Variants in SPINK5 observed in about 807,000 individuals in gnomAD.
The protein encoded by SPINK5 is serine protease inhibitor Kazal-type 5.
Under a neutral mutation model 151.8 loss-of-function variants are expected in SPINK5, and 125 were observed. That is an observed-to-expected ratio of 0.82 (90% CI 0.71 to 0.96). The LOEUF is 0.96. SPINK5 is among the 40% of genes least tolerant of loss of function. The pLI, the probability that SPINK5 is intolerant of heterozygous loss-of-function variation, is 0.00. For missense variants in SPINK5, 1,194 were observed against 1,291.9 expected, an observed-to-expected ratio of 0.92 and a Z score of 1.16; for synonymous variants, 374 against 395.3, an observed-to-expected ratio of 0.95 and a Z score of 0.64.
At position 148,099,108 on chromosome 5, in the gene SPINK5, T is replaced by C. The variant is rs576474534; in HGVS notation, c.1011-126T>C. ...GATATTTTGTTGCTTCTCATTGATATGCAGTGATAAAGGGACAAAATTGTT... is the reference window on the plus strand; with the variant it reads ...GATATTTTGTTGCTTCTCATTGATACGCAGTGATAAAGGGACAAAATTGTT... On this transcript the variant is annotated intron_variant, in intron 11 of 32. Transcript: ENST00000256084. 2.1e-3 allele frequency: 1,565 copies of C among 757,948 alleles called. 5 individuals carry two copies. Among genetic ancestry groups the C allele is most frequent in the Non-Finnish European group, 2.6e-3 (1,162 of 441,746 alleles). 47.0% of individuals were successfully genotyped at this position (757,948 alleles called of 1,614,324 possible). A position where few individuals can be genotyped will look rare whatever the true frequency, so the allele number is the denominator to read the frequency against.
intron 19 of SPINK5, 150 bp downstream of exon 19, chr5:148,112,045 T>C: frequency 8.6e-7 from 1 of 1,165,932 alleles, no homozygotes; most frequent in Non-Finnish European, 1.2e-6. Flanking sequence ...TATAAAGCCA[T>C]ATATTCAGCC....
chr5:148,067,815 A>G (rs1752623984), intron 2 of SPINK5, among the ~76,000 whole-genome samples: 1 of 152,074 alleles, frequency 6.6e-6, no homozygotes. Flanking sequence ...AGGTCTCATT[A>G]TATTTCCCAG....
At chr5:148,087,087 TTCA>T (rs1285497019) in intron 5 of SPINK5, among the ~76,000 whole-genome samples, 1 of 151,564 alleles carries the variant, frequency 6.6e-6, no homozygotes, top group African/African-American at 2.4e-5. Context: ...AGAGAATTAT[TTCA>T]TCATCAAATT....
At chr5:148,110,166 G>A (rs772451647) in intron 18 of SPINK5, among the ~76,000 whole-genome samples, 3 of 152,048 alleles carry the variant, frequency 2.0e-5, no homozygotes, top group Non-Finnish European at 2.9e-5. Flanking sequence ...TTATTATTAC[G>A]TATATTATTT....
intron 20 of SPINK5, among the ~76,000 whole-genome samples, 178 bp downstream of exon 20, chr5:148,113,112 CA>C (rs1240717430): frequency 2.0e-5 from 3 of 151,994 alleles, no homozygotes; most frequent in African/African-American, 7.2e-5. Context: ...TTTTTGTGGC[CA>C]TAGAATCTCT....
intron 32 of SPINK5, among the ~76,000 whole-genome samples, chr5:148,135,828 G>A (rs375935780): frequency 1.3e-5 from 2 of 152,228 alleles, no homozygotes; most frequent in South Asian, 4.2e-4. Flanking sequence ...AAGTTTCTTG[G>A]AAAAGTAGGT....
At chr5:148,104,180 C>T (rs957462545) in intron 15 of SPINK5, among the ~76,000 whole-genome samples, 1 of 152,066 alleles carries the variant, frequency 6.6e-6, no homozygotes, top group Non-Finnish European at 1.5e-5. Flanking sequence ...AAGAAAGGTA[C>T]TTTTATTACC....
At chr5:148,066,981 T>C (rs1265772526) in intron 2 of SPINK5, among the ~76,000 whole-genome samples, 1 of 152,232 alleles carries the variant, frequency 6.6e-6, no homozygotes, top group East Asian at 1.9e-4. Flanking sequence ...TGTAGTCTTT[T>C]TTACGATGCT....
At chr5:148,105,539 G>A (rs1753758456) in intron 16 of SPINK5, among the ~76,000 whole-genome samples, 1 of 152,056 alleles carries the variant, frequency 6.6e-6, no homozygotes. Context: ...TTTATACATA[G>A]CAGAGTCAAA....
chr5:148,077,062 C>A, intron 4 of SPINK5, among the ~76,000 whole-genome samples: 1 of 151,160 alleles, frequency 6.6e-6, no homozygotes, highest in Non-Finnish European at 1.5e-5. Context: ...TTTGAAGAAA[C>A]AATGGCCTAA....
intron 12 of SPINK5, among the ~76,000 whole-genome samples, chr5:148,100,066 T>A (rs539119727): frequency 2.5e-4 from 38 of 152,242 alleles, no homozygotes; most frequent in African/African-American, 9.1e-4. Flanking sequence ...AATTCACTTT[T>A]TTTTGCCCAG....
intron 15 of SPINK5, among the ~76,000 whole-genome samples, chr5:148,102,872 A>G (rs1753685053): frequency 6.6e-6 from 1 of 152,108 alleles, no homozygotes; most frequent in South Asian, 2.1e-4. Flanking sequence ...TGGAGATTTT[A>G]TTATGTAGGA....
At chr5:148,106,860 A>G (rs142380080) in intron 16 of SPINK5, among the ~76,000 whole-genome samples, 177 bp from the exon 17 acceptor site, 1 of 152,318 alleles carries the variant, frequency 6.6e-6, no homozygotes, top group East Asian at 1.9e-4. Flanking sequence ...CAGATCTGCT[A>G]TAATGATGGG....
At chr5:148,079,700 C>T (rs906077003) in intron 4 of SPINK5, among the ~76,000 whole-genome samples, 7 of 151,024 alleles carry the variant, frequency 4.6e-5, no homozygotes, top group Non-Finnish European at 8.9e-5. Context: ...TAAAATCCAG[C>T]ACTCATTCAA....
At chr5:148,134,930 T>C (rs1477781974) in intron 32 of SPINK5, among the ~76,000 whole-genome samples, 9 of 151,790 alleles carry the variant, frequency 5.9e-5, no homozygotes, top group Non-Finnish European at 1.2e-4. Flanking sequence ...GATAAGGCCA[T>C]ATTAAAAACG....
rs1753946968 is a variant in SPINK5 at position 148,112,002 on chromosome 5, G to C, written c.1820+107G>C. 4.5e-6 allele frequency: 7 copies of C among 1,539,792 alleles called. No individual in the cohort carries two copies. In the Admixed American group the frequency reaches 6.8e-5, roughly 15 times the overall value. ...TTTCTCCAGGAGATAGATAATAAAG[G>C]CTGTCTTTGCACTGAGTTTGGAAAT... On this transcript the variant is annotated intron_variant, in intron 19 of 32. Coordinates refer to ENST00000256084, the MANE Select transcript of SPINK5 (RefSeq NM_006846.4).
At position 148,123,888 on chromosome 5, in the gene SPINK5, G is replaced by C. The variant is rs1185407158; in HGVS notation, c.2594G>C (p.Arg865Thr). ...AGAAATGGAAAGCTTATCTGCACCA[G>C]AGAAAATAACCCTGTTCGAGGCCCA... ...MQRNGKLICT[R>T]ENNPVRGPYG... The change falls in exon 27 of 33, where the codon AGA (arginine) becomes ACA (threonine). Residue 865 changes from arginine (R) to threonine (T), a missense_variant. By Grantham distance (71) the Arg-to-Thr change is moderately conservative (BLOSUM62 -1). Transcript: ENST00000256084. 1 of 1,613,890 alleles carries C rather than the reference G, an allele frequency of 6.2e-7. No homozygotes were observed. The highest frequency in any genetic ancestry group is 8.5e-7 in the Non-Finnish European group (1 of 1,180,000).
At chr5:148,068,554 C>CAAAAAAAAAAAAAAAA (rs1166912306) in intron 2 of SPINK5, among the ~76,000 whole-genome samples, 6 of 89,222 alleles carry the variant, frequency 6.7e-5, no homozygotes, top group Non-Finnish European at 1.1e-4. Context: ...CCTGCCTCTC[C>CAAAAAAAAAAAAAAAA]AAAAAAAAAA....
chr5:148,123,411 A>C lies in SPINK5; in HGVS notation c.2539-422A>C, dbSNP rs1287809804. Among the ~76,000 whole-genome samples, 139 of 35,164 alleles carry C rather than the reference A, an allele frequency of 4.0e-3. 1 individual carries two copies. The highest frequency in any genetic ancestry group is 8.4e-3 in the Non-Finnish European group (101 of 12,048). The allele number at this position is 35,164 out of a possible 152,430, so 23.1% of individuals were successfully genotyped here. A position where few individuals can be genotyped will look rare whatever the true frequency, so the allele number is the denominator to read the frequency against. On this transcript the variant is annotated intron_variant, in intron 26 of 32. Coordinates refer to ENST00000256084, the MANE Select transcript of SPINK5 (RefSeq NM_006846.4). The stretch of plus-strand genomic sequence containing the variant: ...ATATATATATATAGATAGATATAAT[A>C]TATTATATATATAGATATATATTAT...
Sources: gnomAD v4.1 joint callset for allele counts (sites outside exome capture counted in the v4.1 genomes callset) on GRCh38, gnomAD v4.1.1 for gene constraint, MANE v1.5 for transcripts, NCBI Gene and HGNC (gene_info 2026-07-23, HGNC 2026-07-21) for gene names.